The following ATXN7 variants were observed in gnomAD, a reference collection of about 807,000 sequenced individuals.
The protein encoded by ATXN7 is ataxin-7.
A neutral mutation model predicts 70.5 loss-of-function variants in ATXN7; 12 were observed. That is an observed-to-expected ratio of 0.17 (90% CI 0.11 to 0.28). The LOEUF (loss-of-function observed/expected upper bound fraction) is 0.28. Ranked by LOEUF, ATXN7 falls within the 10% of genes least tolerant of loss-of-function variation. The probability of loss-of-function intolerance (pLI) is 1.00; values close to 1 mark genes in which losing one functional copy is unlikely to be tolerated. For synonymous variants in ATXN7, 498 were observed against 448.7 expected (o/e 1.11, Z -1.39); for missense variants, 1,256 against 1,131.7 (o/e 1.11, Z -1.58).
At position 63,947,147 on chromosome 3, in the gene ATXN7, T is replaced by C. The variant is rs573576279; in HGVS notation, c.395-5232T>C. Among the ~76,000 whole-genome samples, 5 of 152,322 alleles carry C rather than the reference T, an allele frequency of 3.3e-5. No individual in the cohort carries two copies. The South Asian group carries it at 1.0e-3, about 32-fold the overall frequency. On this transcript the variant is annotated intron_variant, in intron 4 of 12. Coordinates refer to ENST00000674280, the MANE Select transcript of ATXN7 (RefSeq NM_001377405.1). ...TGACAAATAACAATCATGACTTTTA[T>C]CTCATAGACTGTGGGCAAACATTGA...
chr3:63,910,604 AATT>A (rs1408079775), intron 2 of ATXN7, among the ~76,000 whole-genome samples: 7 of 152,094 alleles, frequency 4.6e-5, no homozygotes, highest in Non-Finnish European at 7.4e-5. Flanking sequence ...CTGTCAAGGG[AATT>A]ATATGTTTTA....
intron 1 of ATXN7, among the ~76,000 whole-genome samples, chr3:63,877,165 C>A (rs974803228): frequency 6.6e-6 from 1 of 152,078 alleles, no homozygotes; most frequent in Admixed American, 6.5e-5. Flanking sequence ...TCAAGAATTA[C>A]ATAAATTTGG....
At chr3:63,915,770 T>C (rs1211714783) in intron 4 of ATXN7, among the ~76,000 whole-genome samples, 2 of 151,692 alleles carry the variant, frequency 1.3e-5, no homozygotes, top group Non-Finnish European at 2.9e-5. Context: ...CAACCTCTGC[T>C]TCCTGGGTTC....
intron 4 of ATXN7, among the ~76,000 whole-genome samples, chr3:63,925,953 G>A (rs1443628770): frequency 6.6e-6 from 1 of 152,152 alleles, no homozygotes; most frequent in Non-Finnish European, 1.5e-5. Context: ...CACTATGGTA[G>A]CATTGTAGAA....
intron 8 of ATXN7, among the ~76,000 whole-genome samples, chr3:63,983,723 A>G (rs1294431370): frequency 1.3e-5 from 2 of 152,208 alleles, no homozygotes; most frequent in Non-Finnish European, 2.9e-5. Flanking sequence ...AAATGCCAGT[A>G]TGCTAATAAG....
intron 4 of ATXN7, among the ~76,000 whole-genome samples, chr3:63,919,457 C>A (rs143507207): frequency 6.6e-6 from 1 of 152,008 alleles, no homozygotes; most frequent in Admixed American, 6.5e-5. Flanking sequence ...GGAGAATCTT[C>A]AAAATAATAA....
intron 4 of ATXN7, among the ~76,000 whole-genome samples, chr3:63,949,674 A>G (rs1213266007): frequency 6.6e-6 from 1 of 152,204 alleles, no homozygotes; most frequent in Non-Finnish European, 1.5e-5. Flanking sequence ...CTGGAATTAC[A>G]GGCATGAGCC....
At chr3:63,864,636 C>T (rs1279837080) in intron 1 of ATXN7, 2 of 152,230 alleles carry the variant, frequency 1.3e-5, no homozygotes, top group East Asian at 1.9e-4. Context: ...ATCGTCCTCA[C>T]CCGGCACCCA....
intron 8 of ATXN7, among the ~76,000 whole-genome samples, chr3:63,987,547 A>G (rs2075597674): frequency 6.6e-6 from 1 of 152,080 alleles, no homozygotes; most frequent in Non-Finnish European, 1.5e-5. Context: ...TGGCATTTTC[A>G]TTGGAATAGA....
chr3:63,956,758 A>G (rs1192761429), intron 5 of ATXN7, among the ~76,000 whole-genome samples: 2 of 152,188 alleles, frequency 1.3e-5, no homozygotes, highest in Non-Finnish European at 2.9e-5. Context: ...CTGACAAGAG[A>G]TTGGTGCTCA....
chr3:63,980,926 A>G (rs1161426074), intron 6 of ATXN7, among the ~76,000 whole-genome samples: 2 of 152,196 alleles, frequency 1.3e-5, no homozygotes, highest in East Asian at 3.9e-4. Context: ...GGCTTTGGCA[A>G]GTTTCCATGG....
chr3:63,996,289 T>G lies in ATXN7; in HGVS notation c.2467T>G (p.Ser823Ala). The change falls in exon 12 of 13, where the codon TCC becomes GCC. Residue 823 changes from serine (S) to alanine (A), a missense_variant. Coordinates refer to ENST00000674280, the MANE Select transcript of ATXN7 (RefSeq NM_001377405.1). ...GCCTGTCAACTCCCACGGCAGTTTT[T>G]CCCACTCACACACTCCTCTAGACAA... ...ELPVNSHGSF[S>A]HSHTPLDKLI... 6.2e-7 allele frequency: 1 copy of G among 1,614,136 alleles called. No individual in the cohort carries two copies. The highest frequency in any genetic ancestry group is 8.5e-7 in the Non-Finnish European group (1 of 1,180,030).
At chr3:63,878,360 G>C (rs1485680678) in intron 1 of ATXN7, 1 of 152,238 alleles carries the variant, frequency 6.6e-6, no homozygotes, top group African/African-American at 2.4e-5. Flanking sequence ...CTAGAGAATT[G>C]TAAGCGTTGG....
chr3:63,972,185 TAATG>T (rs2075321916), intron 5 of ATXN7, among the ~76,000 whole-genome samples: 1 of 152,224 alleles, frequency 6.6e-6, no homozygotes, highest in Admixed American at 6.5e-5. Flanking sequence ...AGGGACAGCT[TAATG>T]AATGACCTGA....
rs200896386 is a variant in ATXN7 at position 63,913,182 on chromosome 3, G to A, written c.351G>A (p.Lys117=). The change falls in exon 4 of 13, where the codon AAG becomes AAA. Residue 117 remains lysine, a synonymous_variant. Coordinates refer to ENST00000674280, the MANE Select transcript of ATXN7 (RefSeq NM_001377405.1). ...GGACAGAATTGGACGAAAGTTTCAA[G>A]GAGTTTGGGAAAAACCGCGAAGTCA... ...KDGTELDESF[K]EFGKNREVMG... The A allele has an allele frequency of 8.9e-5, 143 of 1,613,836 alleles. No homozygotes were observed. Among genetic ancestry groups the A allele is most frequent in the Non-Finnish European group, 1.2e-4 (136 of 1,179,984 alleles).
At chr3:63,932,178 A>G (rs1378305625) in intron 4 of ATXN7, among the ~76,000 whole-genome samples, 2 of 152,182 alleles carry the variant, frequency 1.3e-5, no homozygotes, top group African/African-American at 2.4e-5. Context: ...GCAGGTTCCC[A>G]TATTCAAGGT....
chr3:63,878,454 C>T (rs1702808270), intron 1 of ATXN7: 1 of 152,184 alleles, frequency 6.6e-6, no homozygotes, highest in African/African-American at 2.4e-5. Context: ...GTTTCTGCTC[C>T]CATGCAGTGC....
intron 1 of ATXN7, among the ~76,000 whole-genome samples, chr3:63,880,070 A>G (rs142188017): frequency 1.3e-3 from 201 of 152,212 alleles, no homozygotes; most frequent in African/African-American, 4.6e-3. Context: ...TGGGCAACAG[A>G]GCAAGACTCC....
intron 5 of ATXN7, among the ~76,000 whole-genome samples, chr3:63,956,420 CAAAAAAAAAA>C (rs1175948780): frequency 2.7e-4 from 10 of 36,694 alleles, no homozygotes; most frequent in Non-Finnish European, 4.1e-4. Flanking sequence ...GACTGCATCT[CAAAAAAAAAA>C]AAAAAAAAAA....
Sources: gnomAD v4.1 joint callset for allele counts (sites outside exome capture counted in the v4.1 genomes callset) on GRCh38, gnomAD v4.1.1 for gene constraint, MANE v1.5 for transcripts, NCBI Gene and HGNC (gene_info 2026-07-23, HGNC 2026-07-21) for gene names.